The following SNX29 variants were observed in gnomAD, a reference collection of about 807,000 sequenced individuals.
SNX29 encodes the protein sorting nexin-29.
In SNX29, 78 loss-of-function variants were observed where a neutral mutation model predicts 102.1. The observed-to-expected ratio is 0.76, with a 90% CI of 0.64 to 0.92. The LOEUF (loss-of-function observed/expected upper bound fraction) is 0.92. Ranked by LOEUF, SNX29 falls within the 40% of genes least tolerant of loss-of-function variation. The pLI, the probability that SNX29 is intolerant of heterozygous loss-of-function variation, is 0.00. For missense variants in SNX29, 1,280 were observed against 1,061.7 expected, an observed-to-expected ratio of 1.21 and a Z score of -2.86; for synonymous variants, 580 against 414.5, an observed-to-expected ratio of 1.40 and a Z score of -4.85.
In SNX29 at chr16:12,569,613, A is replaced by G. The variant is rs1033095183; in HGVS notation, c.*984A>G. On this transcript the variant is annotated 3_prime_UTR_variant, in exon 21 of 21. Coordinates refer to ENST00000566228, the MANE Select transcript of SNX29 (RefSeq NM_032167.5). ...CCGTCTGCCCCCGACATTGTCCTTG[A>G]TAACAGAACTCTGCATCCCCTAAGA... 5 of 218,490 alleles carry G rather than the reference A, an allele frequency of 2.3e-5. No homozygotes were observed. Among genetic ancestry groups the G allele is most frequent in the African/African-American group, 7.5e-5 (3 of 40,208 alleles). The allele number at this position is 218,490 out of a possible 1,614,324, so 13.5% of individuals were successfully genotyped here.
chr16:11,997,280 C>A (rs2056111158), intron 1 of SNX29, among the ~76,000 whole-genome samples: 2 of 152,166 alleles, frequency 1.3e-5, no homozygotes, highest in Non-Finnish European at 2.9e-5. Context: ...CTGTCTGGAA[C>A]ACTGGCCTGC....
At chr16:12,004,886 T>G (rs996383312) in intron 3 of SNX29, among the ~76,000 whole-genome samples, 31 of 152,248 alleles carry the variant, frequency 2.0e-4, no homozygotes, top group African/African-American at 7.5e-4. Flanking sequence ...TTTTTAATTT[T>G]GCCTATTACC....
At position 12,241,328 on chromosome 16, in the gene SNX29, T is replaced by A. The variant is rs374810534; in HGVS notation, c.1679-36605T>A. 2.6e-5 allele frequency among the ~76,000 whole-genome samples: 4 copies of A among 152,192 alleles called. No individual in the cohort carries two copies. In the East Asian group the frequency reaches 5.8e-4, roughly 22 times the overall value. On this transcript the variant is annotated intron_variant, in intron 14 of 20. Transcript: ENST00000566228. ...CAAGAAGCCCTGAAAATCACTGTTTTACGTTAAAAGGGGGTTTATTGATTG... is the reference window on the plus strand; with the variant it reads ...CAAGAAGCCCTGAAAATCACTGTTTAACGTTAAAAGGGGGTTTATTGATTG...
At chr16:12,547,992 G>A (rs974476039) in intron 20 of SNX29, among the ~76,000 whole-genome samples, 8 of 152,236 alleles carry the variant, frequency 5.3e-5, no homozygotes, top group East Asian at 3.9e-4. Flanking sequence ...CAGGGGTCTC[G>A]AGTGAACGTG....
rs542420733 is a variant in SNX29, at chr16:12,222,825, T to G, written c.1678+23142T>G. Among the ~76,000 whole-genome samples, 17 of 152,232 alleles carry G rather than the reference T, an allele frequency of 1.1e-4. No homozygotes were observed. The South Asian group carries it at 3.3e-3, about 30-fold the overall frequency. On this transcript the variant is annotated intron_variant, in intron 14 of 20. Transcript: ENST00000566228. ...CTCAGGTGATCCGCCCACCTCAGAC[T>G]CCCAAAGTGCTGGGATTACAGGTGT...
rs1188036713 is a variant in SNX29 at position 12,573,398 on chromosome 16, C to G, written c.*4769C>G. 1 of 224,048 alleles carries G rather than the reference C, an allele frequency of 4.5e-6. No individual in the cohort carries two copies. Among genetic ancestry groups the G allele is most frequent in the East Asian group, 6.5e-5 (1 of 15,320 alleles). 13.9% of individuals were successfully genotyped at this position (224,048 alleles called of 1,614,324 possible). A position where few individuals can be genotyped will look rare whatever the true frequency, so the allele number is the denominator to read the frequency against. ...GCGTATCCTTCCTTATAGCTAGTTT[C>G]TATAGAGAAGTGAAAAAGAAATCTG... On this transcript the variant is annotated 3_prime_UTR_variant, in exon 21 of 21. Coordinates refer to ENST00000566228, the MANE Select transcript of SNX29 (RefSeq NM_032167.5).
At chr16:12,145,065 G>A (rs1387053572) in intron 13 of SNX29, among the ~76,000 whole-genome samples, 10 of 152,108 alleles carry the variant, frequency 6.6e-5, no homozygotes, top group Non-Finnish European at 1.3e-4. Flanking sequence ...TTCAACGTGC[G>A]CCCACTGTTC....
intron 14 of SNX29, among the ~76,000 whole-genome samples, chr16:12,218,658 A>T (rs2077389334): frequency 6.6e-6 from 1 of 152,236 alleles, no homozygotes; most frequent in Admixed American, 6.5e-5. Context: ...TGATCAAAAG[A>T]TGTATAGCTA....
At chr16:12,091,006 C>A (rs62038871) in intron 11 of SNX29, among the ~76,000 whole-genome samples, 1 of 83,770 alleles carries the variant, frequency 1.2e-5, no homozygotes, top group Non-Finnish European at 2.0e-5. Flanking sequence ...CAGAGTGAGA[C>A]TTCATCTCAA....
intron 20 of SNX29, among the ~76,000 whole-genome samples, chr16:12,561,633 T>TA (rs1207238040): frequency 6.6e-6 from 1 of 152,100 alleles, no homozygotes; most frequent in Non-Finnish European, 1.5e-5. Flanking sequence ...AGAGGCTTAT[T>TA]AAAAAGAACA....
chr16:12,413,447 G>A (rs571868650), intron 18 of SNX29, among the ~76,000 whole-genome samples: 10 of 152,150 alleles, frequency 6.6e-5, no homozygotes, highest in Admixed American at 4.6e-4. Context: ...CAGCCAGGGT[G>A]CAGTGATCTC....
At chr16:12,516,324 T>G (rs947524459) in intron 19 of SNX29, among the ~76,000 whole-genome samples, 5 of 151,648 alleles carry the variant, frequency 3.3e-5, no homozygotes, top group African/African-American at 7.3e-5. Flanking sequence ...TACAAAAACT[T>G]TAAAAATTAG....
intron 16 of SNX29, among the ~76,000 whole-genome samples, chr16:12,356,694 T>C (rs963657467): frequency 6.6e-6 from 1 of 152,244 alleles, no homozygotes. Context: ...TTGAATATTG[T>C]GGTTTGAGGA....
At chr16:12,455,382 C>T (rs922257599) in intron 18 of SNX29, among the ~76,000 whole-genome samples, 3 of 152,158 alleles carry the variant, frequency 2.0e-5, no homozygotes, top group Non-Finnish European at 4.4e-5. Context: ...AGCCACACAC[C>T]AGGCAAGCCC....
chr16:12,137,760 A>G (rs1362424045), intron 13 of SNX29, among the ~76,000 whole-genome samples: 1 of 152,240 alleles, frequency 6.6e-6, no homozygotes, highest in Non-Finnish European at 1.5e-5. Context: ...TATTTTTATC[A>G]CAAGAGTCAA....
chr16:12,080,022 A>G (rs1284316295), intron 11 of SNX29, among the ~76,000 whole-genome samples: 3 of 152,130 alleles, frequency 2.0e-5, no homozygotes, highest in Admixed American at 2.0e-4. Flanking sequence ...GTGATATGGT[A>G]TGTTTTATAT....
At chr16:12,117,958 G>A (rs981737502) in intron 11 of SNX29, among the ~76,000 whole-genome samples, 9 of 152,010 alleles carry the variant, frequency 5.9e-5, no homozygotes, top group Admixed American at 5.9e-4. Flanking sequence ...TTAGCCGGGT[G>A]TGGTGGCATG....
chr16:12,563,419 T>G (rs1267890152), intron 20 of SNX29, among the ~76,000 whole-genome samples: 1 of 152,226 alleles, frequency 6.6e-6, no homozygotes, highest in African/African-American at 2.4e-5. Flanking sequence ...CTGGATTTTG[T>G]TCCTTGCGGT....
At chr16:12,229,947 G>T (rs1001828650) in intron 14 of SNX29, among the ~76,000 whole-genome samples, 1 of 152,192 alleles carries the variant, frequency 6.6e-6, no homozygotes, top group Admixed American at 6.6e-5. Context: ...ATAAAAGGCT[G>T]GATAGTAAAT....
Sources: gnomAD v4.1 joint callset for allele counts (sites outside exome capture counted in the v4.1 genomes callset) on GRCh38, gnomAD v4.1.1 for gene constraint, MANE v1.5 for transcripts, NCBI Gene and HGNC (gene_info 2026-07-23, HGNC 2026-07-21) for gene names.